Variants in WSCD2 observed in about 807,000 individuals in gnomAD.
The protein encoded by WSCD2 is sialate:O-sulfotransferase 2.
In WSCD2, 28 loss-of-function variants were observed where a neutral mutation model predicts 55.7. That is an observed-to-expected ratio of 0.50 (90% CI 0.37 to 0.69). The LOEUF is 0.69. Among genes scored for constraint, WSCD2 ranks in the 30% least tolerant of loss-of-function variants. WSCD2 has a pLI of 0.00. For synonymous variants in WSCD2, 301 were observed against 301.9 expected (o/e 1.00, Z 0.03); for missense variants, 616 against 762.1 (o/e 0.81, Z 2.26).
chr12:108,161,189 C>A lies in WSCD2; in HGVS notation c.-552+31263C>A, dbSNP rs570207185. ...GAAATATTGATTCCAATTTACCTTG[C>A]AGAGCTGTTATAAGAAAATATCATA... is the stretch of plus-strand genomic sequence containing the variant. On this transcript the variant is annotated intron_variant, in intron 1 of 8. Transcript: ENST00000547525. 1.6e-4 allele frequency among the ~76,000 whole-genome samples: 25 copies of A among 152,244 alleles called. No individual in the cohort carries two copies. In the South Asian group the frequency reaches 5.2e-3, roughly 32 times the overall value.
At chr12:108,183,138 T>C (rs1261505234) in intron 1 of WSCD2, among the ~76,000 whole-genome samples, 1 of 152,196 alleles carries the variant, frequency 6.6e-6, no homozygotes, top group African/African-American at 2.4e-5. Context: ...CCAGTGTCAC[T>C]GATGATGAGA....
At chr12:108,153,740 C>T (rs752901344) in intron 1 of WSCD2, among the ~76,000 whole-genome samples, 5 of 152,274 alleles carry the variant, frequency 3.3e-5, no homozygotes, top group South Asian at 2.1e-4. Context: ...AAGAAATGTA[C>T]GCCCTGACCA....
In WSCD2 at chr12:108,195,910, C is replaced by T. The variant is rs768643351; in HGVS notation, c.78C>T (p.Tyr26=). ...PVRFFTFLAL[Y]LTAGSLVFLH... ...GCTTCTTTACCTTCCTGGCACTCTA[C>T]CTGACTGCTGGGAGCCTTGTCTTCC... Residue 26 remains tyrosine (Y), a synonymous_variant, in exon 2 of 9, where the codon TAC becomes TAT. Coordinates refer to ENST00000547525, the MANE Select transcript of WSCD2 (RefSeq NM_014653.4). The T allele has an allele frequency of 1.2e-6, 2 of 1,614,180 alleles. No individual in the cohort carries two copies. The highest frequency in any genetic ancestry group is 2.7e-5 in the African/African-American group (2 of 75,054).
In WSCD2 at chr12:108,248,442, G is replaced by A. The variant is rs563586948; in HGVS notation, c.*99G>A. The A allele has an allele frequency of 1.4e-6, 2 of 1,471,956 alleles. No individual in the cohort carries two copies. Among genetic ancestry groups the A allele is most frequent in the African/African-American group, 2.8e-5 (2 of 70,846 alleles). The allele number at this position is 1,471,956 out of a possible 1,614,324, so 91.2% of individuals were successfully genotyped here. On this transcript the variant is annotated 3_prime_UTR_variant, in exon 9 of 9. Coordinates refer to ENST00000547525, the MANE Select transcript of WSCD2 (RefSeq NM_014653.4). The surrounding 1 kb of genome is among the most constrained non-coding windows in gnomAD (Gnocchi z 4.3). ...CCCCCACTCATCTGTCCTCTCTTTG[G>A]TCTGGGGACAATCCCCTTGGCTGCT...
chr12:108,214,168 A>G (rs76873784), intron 4 of WSCD2, among the ~76,000 whole-genome samples: 84 of 152,370 alleles, frequency 5.5e-4, no homozygotes, highest in Admixed American at 1.1e-3. Flanking sequence ...TTGTAGAGTC[A>G]TTAGTTGGTA....
intron 1 of WSCD2, among the ~76,000 whole-genome samples, chr12:108,161,388 A>G (rs1226140173): frequency 6.6e-6 from 1 of 152,208 alleles, no homozygotes; most frequent in Non-Finnish European, 1.5e-5. Flanking sequence ...CCCTAATCCA[A>G]TGTGACTGGT....
chr12:108,173,677 C>T (rs1051966702), intron 1 of WSCD2, among the ~76,000 whole-genome samples: 3 of 152,086 alleles, frequency 2.0e-5, no homozygotes, highest in Non-Finnish European at 4.4e-5. Flanking sequence ...CCTTCTGACT[C>T]CTATGGTGAA....
chr12:108,232,001 G>A (rs1317108735), intron 6 of WSCD2, among the ~76,000 whole-genome samples: 3 of 152,286 alleles, frequency 2.0e-5, no homozygotes, highest in African/African-American at 7.2e-5. Flanking sequence ...AGCAAAGGCA[G>A]GTAGGAGGCA....
intron 7 of WSCD2, among the ~76,000 whole-genome samples, chr12:108,233,683 A>C (rs1240627858): frequency 6.6e-6 from 1 of 152,210 alleles, no homozygotes; most frequent in East Asian, 1.9e-4. Context: ...TGGGGATTGC[A>C]TTCTAGTGTT....
At chr12:108,233,039 T>A in intron 7 of WSCD2, 144 bp downstream of exon 7, 1 of 1,110,086 alleles carries the variant, frequency 9.0e-7, no homozygotes, top group Non-Finnish European at 1.3e-6. Context: ...ACTCACTGCA[T>A]GCTTGGTACC....
rs1005691839 is a variant in WSCD2, at chr12:108,241,314, C to G, written c.1345+770C>G. On this transcript the variant is annotated intron_variant, in intron 8 of 8. Transcript: ENST00000547525. Reference sequence around the variant, plus strand: ...CAACATTTCAATGCAGAGCAGCCACCCAGGGCAGTGGCCAGAGCTTTGAAG... The same window carrying G: ...CAACATTTCAATGCAGAGCAGCCACGCAGGGCAGTGGCCAGAGCTTTGAAG... Among the ~76,000 whole-genome samples the G allele has an allele frequency of 6.6e-5, 10 of 152,198 alleles. No homozygotes were observed. The South Asian group carries it at 2.1e-3, about 32-fold the overall frequency.
At chr12:108,175,977 C>T (rs1463455421) in intron 1 of WSCD2, among the ~76,000 whole-genome samples, 1 of 151,958 alleles carries the variant, frequency 6.6e-6, no homozygotes, top group Non-Finnish European at 1.5e-5. Flanking sequence ...GTAGCTGGGA[C>T]TACAGGCACC....
At chr12:108,225,390 C>G (rs1023342781) in intron 5 of WSCD2, among the ~76,000 whole-genome samples, 2 of 152,170 alleles carry the variant, frequency 1.3e-5, no homozygotes, top group Non-Finnish European at 2.9e-5. Context: ...CAGTTACCTC[C>G]CACCAGGTCC....
At chr12:108,238,835 CAT>C (rs1350220246) in intron 7 of WSCD2, among the ~76,000 whole-genome samples, 4 of 152,206 alleles carry the variant, frequency 2.6e-5, no homozygotes, top group Admixed American at 1.3e-4. Flanking sequence ...GTGAAGGACA[CAT>C]GTGTGCCCAG....
intron 6 of WSCD2, among the ~76,000 whole-genome samples, chr12:108,230,544 C>T (rs899920675): frequency 3.3e-5 from 5 of 152,136 alleles, no homozygotes; most frequent in East Asian, 3.8e-4. Flanking sequence ...ACTGAGGCTC[C>T]GACAGATCAT....
In WSCD2 at chr12:108,176,006, A is replaced by AT. The variant is rs536848912; in HGVS notation, c.-551-19270dup. Reference sequence around the variant, plus strand: ...AGGCACCCGCCACCATGCCCGGCTAATTTTTTGTGTTTTTGGTAGAGTTGG... The same window carrying AT: ...AGGCACCCGCCACCATGCCCGGCTAATTTTTTTGTGTTTTTGGTAGAGTTGG... On this transcript the variant is annotated intron_variant, in intron 1 of 8. Transcript: ENST00000547525. Among the ~76,000 whole-genome samples the AT allele has an allele frequency of 1.3e-4, 20 of 151,930 alleles. No individual in the cohort carries two copies. In the East Asian group the frequency reaches 2.9e-3, roughly 22 times the overall value.
At chr12:108,146,710 G>A (rs73199511) in intron 1 of WSCD2, among the ~76,000 whole-genome samples, 7,439 of 152,210 alleles carry the variant, frequency 0.049, 247 homozygotes, top group Non-Finnish European at 0.076. Context: ...GGAGAACTAG[G>A]TCTTTGGACT....
At position 108,248,232 on chromosome 12, in the gene WSCD2, C is replaced by A; in HGVS notation, c.1587C>A (p.Asp529Glu). 6.2e-7 allele frequency: 1 copy of A among 1,614,194 alleles called. No homozygotes were observed. The highest frequency in any genetic ancestry group is 8.5e-7 in the Non-Finnish European group (1 of 1,180,040). The change falls in exon 9 of 9, where the codon GAC (aspartate) becomes GAA (glutamate). Residue 529 changes from aspartate to glutamate, a missense_variant. Physicochemically the swap from Asp to Glu is conservative, Grantham distance 45 (BLOSUM62 2). Transcript: ENST00000547525. The surrounding 1 kb of genome is among the most constrained non-coding windows in gnomAD (Gnocchi z 4.3). ...CAGGGCTCCGGAAGCTCGAGTATGA[C>A]CCCTATACTGCGGACATGCAGAAGA... ...KRSGLRKLEY[D>E]PYTADMQKTI... is the part of the protein sequence containing the mutation.
At chr12:108,180,889 C>T (rs1881638442) in intron 1 of WSCD2, among the ~76,000 whole-genome samples, 1 of 152,256 alleles carries the variant, frequency 6.6e-6, no homozygotes, top group Non-Finnish European at 1.5e-5. Flanking sequence ...TCCTGTGGGA[C>T]CACACAGTGC....
Sources: allele counts gnomAD v4.1 joint callset (sites outside exome capture counted in the v4.1 genomes callset), GRCh38; gene constraint gnomAD v4.1.1; non-coding constraint Gnocchi (gnomAD v3.1); transcripts MANE v1.5; gene names NCBI Gene and HGNC (gene_info 2026-07-23, HGNC 2026-07-21).